The following PCDHA1 variants were observed in gnomAD, a reference collection of about 807,000 sequenced individuals.
PCDHA1 encodes protocadherin alpha-1.
PCDHA1 carries 42 observed loss-of-function variants against 61.3 expected under a neutral mutation model. The ratio of observed to expected loss-of-function variants is 0.69; its 90% CI spans 0.54 to 0.89. The LOEUF (loss-of-function observed/expected upper bound fraction) is 0.89. PCDHA1 is among the 40% of genes least tolerant of loss of function. The pLI is 0.00. For synonymous variants in PCDHA1, 610 were observed against 553.8 expected, an observed-to-expected ratio of 1.10 and a Z score of -1.43; for missense variants, 1,256 against 1,235.3, an observed-to-expected ratio of 1.02 and a Z score of -0.25.
intron 1 of PCDHA1, among the ~76,000 whole-genome samples, chr5:140,935,339 A>G (rs1048024159): frequency 1.3e-5 from 2 of 152,180 alleles, no homozygotes; most frequent in Admixed American, 6.5e-5. Context: ...TTTCTCCCAT[A>G]CGTCAAATCC....
chr5:140,787,733 C>A lies in PCDHA1; in HGVS notation c.1443C>A (p.Asp481Glu). 1 of 1,613,578 alleles carries A rather than the reference C, an allele frequency of 6.2e-7. No individual in the cohort carries two copies. The highest frequency in any genetic ancestry group is 1.7e-4 in the Middle Eastern group (1 of 5,758). ...ACATCTTCACGGTGTCTGCGCGGGACGCGGACGCGCAGGAGAACGCGCTGG... is the reference window on the plus strand; with the variant it reads ...ACATCTTCACGGTGTCTGCGCGGGAAGCGGACGCGCAGGAGAACGCGCTGG... ...GCHIFTVSARDADAQENALVS... is the reference protein window; with the variant it reads ...GCHIFTVSAREADAQENALVS... Residue 481 changes from aspartate (D) to glutamate (E), a missense_variant, in exon 1 of 4, where the codon GAC becomes GAA. Transcript: ENST00000504120.
intron 3 of PCDHA1, chr5:140,989,000 GAGACTTATTAT>G (rs2097324899): frequency 6.6e-6 from 1 of 152,202 alleles, no homozygotes; most frequent in Non-Finnish European, 1.5e-5. Flanking sequence ...TAAGGAAATA[GAGACTTATTAT>G]AGTTTCTTCA....
rs899603584 is a variant in PCDHA1, at chr5:140,786,590, G to C, written c.300G>C (p.Ala100=). 8 of 1,614,148 alleles carry C rather than the reference G, an allele frequency of 5.0e-6. No homozygotes were observed. The African/African-American group carries it at 8.0e-5, about 16-fold the overall frequency. The change falls in exon 1 of 4, where the codon GCG becomes GCC. Residue 100 remains alanine, a synonymous_variant. Transcript: ENST00000504120. ...GCGAGGAGCTGTGCCAGTGGAGCGC[G>C]GAGTGCAGCATCCACCTGGAGTTGA... ...IDREELCQWS[A]ECSIHLELIA... is the part of the protein sequence containing the mutation.
chr5:140,815,318 T>C (rs909409107), intron 1 of PCDHA1: 1 of 152,164 alleles, frequency 6.6e-6, no homozygotes, highest in African/African-American at 2.4e-5. Context: ...TGTAATGCTA[T>C]GTTTTTGTTC....
At chr5:140,875,560 C>T (rs1554167756) in intron 1 of PCDHA1, 2 of 1,614,124 alleles carry the variant, frequency 1.2e-6, no homozygotes, top group Admixed American at 3.3e-5. Flanking sequence ...GGGGAGCGGC[C>T]AGCTCCACTA....
intron 1 of PCDHA1, chr5:140,801,249 C>T (rs1762664338): frequency 6.2e-7 from 1 of 1,613,718 alleles, no homozygotes; most frequent in Non-Finnish European, 8.5e-7. Context: ...GCTGCTTTCT[C>T]TTCTGCTCCT....
At chr5:140,892,480 CA>C (rs1484176083) in intron 1 of PCDHA1, among the ~76,000 whole-genome samples, 14 of 152,110 alleles carry the variant, frequency 9.2e-5, no homozygotes, top group Non-Finnish European at 1.8e-4. Context: ...GTTTCCTAGC[CA>C]AACATGAGAG....
At chr5:140,872,920 T>C (rs2153277088) in intron 1 of PCDHA1, among the ~76,000 whole-genome samples, 1 of 152,356 alleles carries the variant, frequency 6.6e-6, no homozygotes, top group South Asian at 2.1e-4. Flanking sequence ...TAATGCCTTA[T>C]CTCTAATGTT....
intron 1 of PCDHA1, chr5:140,967,872 A>G: frequency 1.2e-6 from 2 of 1,614,034 alleles, no homozygotes; most frequent in Non-Finnish European, 1.7e-6. Context: ...GTGCTCACGG[A>G]CCTGTATAGC....
intron 1 of PCDHA1, among the ~76,000 whole-genome samples, chr5:140,891,039 AC>A (rs143686625): frequency 0.024 from 3,682 of 152,150 alleles, 153 homozygotes; most frequent in African/African-American, 0.085. Context: ...CTTAGGTGTG[AC>A]CCCCACAGCA....
chr5:140,862,679 TG>T, intron 1 of PCDHA1: 1 of 551,310 alleles, frequency 1.8e-6, no homozygotes, highest in Non-Finnish European at 3.6e-6. Flanking sequence ...GAGAACGTGC[TG>T]GTGTCCTACT....
At chr5:140,835,184 A>G in intron 1 of PCDHA1, 2 of 1,525,540 alleles carry the variant, frequency 1.3e-6, no homozygotes, top group Non-Finnish European at 1.8e-6. Flanking sequence ...CCAATGCCTC[A>G]GATTTAGACG....
chr5:140,969,075 A>G, intron 1 of PCDHA1: 1 of 1,614,184 alleles, frequency 6.2e-7, no homozygotes, highest in Non-Finnish European at 8.5e-7. Flanking sequence ...AGGATACCGC[A>G]TGGCCTCAAA....
Position 140,857,207 on chromosome 5 carries a change from T to C in PCDHA1, c.2394+68523T>C, listed in dbSNP as rs374547664. The C allele has an allele frequency of 2.5e-6, 4 of 1,598,416 alleles. No homozygotes were observed. In the African/African-American group the frequency reaches 5.4e-5, roughly 22 times the overall value. ...AGGAGCCAACGGACAGGTCACCTGC[T>C]CTCTGACGCCTCACGTTCCGTTCAA... is the stretch of plus-strand genomic sequence containing the variant. On this transcript the variant is annotated intron_variant, in intron 1 of 3. Transcript: ENST00000504120.
chr5:140,794,951 A>G (rs782672962), intron 1 of PCDHA1: 1 of 1,596,862 alleles, frequency 6.3e-7, no homozygotes, highest in Admixed American at 1.8e-5. Context: ...TGATCAAAAC[A>G]TTGAGGATTG....
chr5:140,864,404 G>A (rs2048464520), intron 1 of PCDHA1: 1 of 152,228 alleles, frequency 6.6e-6, no homozygotes. Flanking sequence ...GTGATGAGCA[G>A]GGTTGAGGCA....
chr5:141,004,351 G>T (rs547017222), intron 3 of PCDHA1, among the ~76,000 whole-genome samples: 1 of 152,332 alleles, frequency 6.6e-6, no homozygotes, highest in African/African-American at 2.4e-5. Flanking sequence ...TGAGGGACTG[G>T]AGAGACCACA....
intron 1 of PCDHA1, chr5:140,830,297 A>G (rs1359749137): frequency 6.2e-7 from 1 of 1,613,732 alleles, no homozygotes; most frequent in East Asian, 2.2e-5. Context: ...CACGGCGGAC[A>G]AGCCCACGCT....
At chr5:140,889,503 C>G (rs2062252341) in intron 1 of PCDHA1, among the ~76,000 whole-genome samples, 2 of 151,950 alleles carry the variant, frequency 1.3e-5, no homozygotes, top group Admixed American at 1.3e-4. Context: ...AGTGATATTT[C>G]CCTTTCCATT....
Sources: allele counts gnomAD v4.1 joint callset (sites outside exome capture counted in the v4.1 genomes callset), GRCh38; gene constraint gnomAD v4.1.1; transcripts MANE v1.5; gene names NCBI Gene and HGNC (gene_info 2026-07-23, HGNC 2026-07-21).